Variants in FSTL4 observed in about 807,000 individuals in gnomAD.
FSTL4 encodes follistatin-related protein 4.
In FSTL4, 28 loss-of-function variants were observed where a neutral mutation model predicts 78.2. The observed-to-expected ratio is 0.36, with a 90% confidence interval of 0.27 to 0.49. The LOEUF (loss-of-function observed/expected upper bound fraction) is 0.49. Ranked by LOEUF, FSTL4 falls within the 20% of genes least tolerant of loss-of-function variation. The pLI is 0.98. For synonymous variants in FSTL4, 422 were observed against 440.5 expected, an observed-to-expected ratio of 0.96 and a Z score of 0.53; for missense variants, 922 against 1,084.9, an observed-to-expected ratio of 0.85 and a Z score of 2.11.
At chr5:133,751,781 A>G in the FSTL4 span, among the ~76,000 whole-genome samples, 2 of 152,238 alleles carry the variant, frequency 1.3e-5, no homozygotes, top group African/African-American at 4.8e-5. Context: ...GAGGTGCAAC[A>G]GCAATTTCTT....
chr5:133,800,366 G>A, the FSTL4 span, among the ~76,000 whole-genome samples: 5 of 138,386 alleles, frequency 3.6e-5, 1 homozygote, highest in East Asian at 5.9e-4. Context: ...TTCCATAGGC[G>A]ACATTGGAAG....
chr5:133,445,847 AAGAC>A (rs957098243), intron 3 of FSTL4, among the ~76,000 whole-genome samples: 16 of 152,208 alleles, frequency 1.1e-4, no homozygotes, highest in African/African-American at 3.4e-4. Context: ...AGAAAAAAAA[AAGAC>A]AGTCTTCTTT....
chr5:133,386,202 T>C (rs562084128), intron 4 of FSTL4, among the ~76,000 whole-genome samples: 2 of 152,304 alleles, frequency 1.3e-5, no homozygotes, highest in African/African-American at 2.4e-5. Flanking sequence ...CATGGGCTCT[T>C]TGAGTTAGTT....
chr5:133,212,636 CCTAA>C (rs1373703662), intron 13 of FSTL4, among the ~76,000 whole-genome samples: 4 of 151,956 alleles, frequency 2.6e-5, no homozygotes, highest in Non-Finnish European at 5.9e-5. Flanking sequence ...AATGGAAAGT[CCTAA>C]CTTTTTTTTT....
the FSTL4 span, among the ~76,000 whole-genome samples, chr5:133,753,683 CTGTGTGTGTGTGTGTGTG>C: frequency 8.3e-6 from 1 of 120,596 alleles, no homozygotes; most frequent in African/African-American, 3.0e-5. Context: ...CACATTTGTT[CTGTGTGTGTGTGTGTGTG>C]TGTGTGTGTG....
At chr5:133,499,752 C>G (rs1055641196) in intron 3 of FSTL4, among the ~76,000 whole-genome samples, 1 of 152,174 alleles carries the variant, frequency 6.6e-6, no homozygotes, top group Non-Finnish European at 1.5e-5. Context: ...TCTCTCATCC[C>G]TTTGAAGTCC....
the FSTL4 span, among the ~76,000 whole-genome samples, chr5:133,841,505 A>G: frequency 6.6e-6 from 1 of 152,228 alleles, no homozygotes; most frequent in Non-Finnish European, 1.5e-5. Context: ...AAGATGCTCC[A>G]TATTGACCAC....
the FSTL4 span, among the ~76,000 whole-genome samples, chr5:133,624,154 T>C: frequency 1.3e-5 from 2 of 151,958 alleles, no homozygotes; most frequent in African/African-American, 4.8e-5. Flanking sequence ...ACATGAATGT[T>C]CGCAGCAGCA....
chr5:133,401,126 G>A (rs374405016), intron 3 of FSTL4, 140 bp from the exon 4 acceptor site: 1 of 860,588 alleles, frequency 1.2e-6, no homozygotes. Context: ...GGGGCTTGGG[G>A]TCTCCTAGGG....
At chr5:133,634,996 T>C in the FSTL4 span, among the ~76,000 whole-genome samples, 3 of 152,282 alleles carry the variant, frequency 2.0e-5, no homozygotes, top group East Asian at 1.9e-4. Flanking sequence ...CTCTTATTTA[T>C]TGCATCCTTG....
the FSTL4 span, among the ~76,000 whole-genome samples, chr5:133,740,154 G>T: frequency 3.3e-5 from 5 of 152,106 alleles, no homozygotes; most frequent in African/African-American, 1.2e-4. Context: ...AAAGTGCTGG[G>T]ATTACAGGCA....
At chr5:133,767,727 T>C in the FSTL4 span, among the ~76,000 whole-genome samples, 1 of 152,140 alleles carries the variant, frequency 6.6e-6, no homozygotes. Flanking sequence ...AGGGAACACA[T>C]GTACAGAGTG....
At chr5:133,797,301 A>C in the FSTL4 span, among the ~76,000 whole-genome samples, 2 of 152,240 alleles carry the variant, frequency 1.3e-5, no homozygotes, top group Non-Finnish European at 2.9e-5. Context: ...GGATTCTTTA[A>C]CTTGTAGTTG....
intron 3 of FSTL4, among the ~76,000 whole-genome samples, chr5:133,482,803 C>A (rs1442338344): frequency 6.6e-6 from 1 of 152,156 alleles, no homozygotes; most frequent in Non-Finnish European, 1.5e-5. Flanking sequence ...CAGGAGGGAA[C>A]TTCAGAGCAA....
Position 133,363,739 on chromosome 5 carries a change from A to G in FSTL4, c.409+36999T>C, listed in dbSNP as rs929980394. Among the ~76,000 whole-genome samples the G allele has an allele frequency of 2.6e-5, 4 of 152,136 alleles. No homozygotes were observed. In the East Asian group the frequency reaches 7.7e-4, roughly 29 times the overall value. On this transcript the variant is annotated intron_variant, in intron 4 of 15. Coordinates refer to ENST00000265342, the MANE Select transcript of FSTL4 (RefSeq NM_015082.2). ...TCAGAGCTGGCAGGCCGTGGACCAC[A>G]GGGACCAAACTCCTGCTTACTACCT...
intron 4 of FSTL4, among the ~76,000 whole-genome samples, chr5:133,392,462 A>G (rs1236541130): frequency 6.6e-6 from 1 of 152,232 alleles, no homozygotes; most frequent in African/African-American, 2.4e-5. Context: ...GGATGCATGC[A>G]GCAAGACCAG....
the FSTL4 span, among the ~76,000 whole-genome samples, chr5:133,724,796 G>T: frequency 6.6e-6 from 1 of 151,878 alleles, no homozygotes; most frequent in Non-Finnish European, 1.5e-5. Context: ...CTGCCTATCC[G>T]AAAGTCATGA....
chr5:133,227,326 A>G (rs1751364597), intron 8 of FSTL4, among the ~76,000 whole-genome samples: 1 of 152,160 alleles, frequency 6.6e-6, no homozygotes, highest in Non-Finnish European at 1.5e-5. Context: ...CAGCGGAGGC[A>G]TGTCTGGAGG....
intron 6 of FSTL4, among the ~76,000 whole-genome samples, chr5:133,297,960 G>T (rs1359445515): frequency 6.6e-6 from 1 of 152,198 alleles, no homozygotes; most frequent in Non-Finnish European, 1.5e-5. Context: ...CCAAGTTTGA[G>T]GCACCCAAGG....
Sources: gnomAD v4.1 joint callset for allele counts (sites outside exome capture counted in the v4.1 genomes callset) on GRCh38, gnomAD v4.1.1 for gene constraint, MANE v1.5 for transcripts, NCBI Gene and HGNC (gene_info 2026-07-23, HGNC 2026-07-21) for gene names.